CMYA5: variants seen among roughly 807,000 people sequenced by gnomAD.
CMYA5 encodes cardiomyopathy associated 5, also known as cardiomyopathy-associated protein 5.
Under a neutral mutation model 318.9 loss-of-function variants are expected in CMYA5, and 246 were observed. The observed-to-expected ratio is 0.77, with a 90% confidence interval of 0.70 to 0.86. CMYA5 has a LOEUF of 0.86. Among genes scored for constraint, CMYA5 ranks in the 40% least tolerant of loss-of-function variants. The probability of loss-of-function intolerance (pLI) is 0.00; values close to 1 mark genes in which losing one functional copy is unlikely to be tolerated. For synonymous variants in CMYA5, 1,641 were observed against 1,729.5 expected (o/e 0.95, Z 1.27); for missense variants, 4,589 against 4,678.2 (o/e 0.98, Z 0.56).
rs1442849287 is a variant in CMYA5 at position 79,745,445 on chromosome 5, T to C, written c.10958T>C (p.Val3653Ala). ...VREAEELDEA[V>A]FLTSFEEINE... Reference sequence around the variant, plus strand: ...GAAGCAGAGGAGCTTGATGAGGCCGTCTTCCTGACTGTAAGTGCCAAGTAA... The same window carrying C: ...GAAGCAGAGGAGCTTGATGAGGCCGCCTTCCTGACTGTAAGTGCCAAGTAA... The change falls in exon 4 of 13, where the codon GTC (valine) becomes GCC (alanine). Residue 3653 changes from valine to alanine, a missense_variant. Val to Ala is a moderately conservative substitution (Grantham distance 64). Transcript: ENST00000446378. 2 of 1,613,182 alleles carry C rather than the reference T, an allele frequency of 1.2e-6. No homozygotes were observed. The highest frequency in any genetic ancestry group is 2.2e-5 in the East Asian group (1 of 44,884).
chr5:79,701,198 G>C lies in CMYA5; in HGVS notation c.149+11142G>C, dbSNP rs138614841. 2.9e-4 allele frequency among the ~76,000 whole-genome samples: 44 copies of C among 152,038 alleles called. 2 individuals are homozygous for C. The East Asian group carries it at 5.8e-3, about 20-fold the overall frequency. ...CAGCAGGTAGAGGTTGTAGTGAGTGGGATTGCGCCACTGCACTCCAGAGCA... is the reference window on the plus strand; with the variant it reads ...CAGCAGGTAGAGGTTGTAGTGAGTGCGATTGCGCCACTGCACTCCAGAGCA... On this transcript the variant is annotated intron_variant, in intron 1 of 12. Transcript: ENST00000446378.
intron 9 of CMYA5, among the ~76,000 whole-genome samples, chr5:79,768,608 G>A (rs887240981): frequency 6.6e-6 from 1 of 152,178 alleles, no homozygotes; most frequent in African/African-American, 2.4e-5. Context: ...CTTTAAGAAT[G>A]TTGAATATTG....
chr5:79,737,679 C>A lies in CMYA5; in HGVS notation c.8914C>A (p.Gln2972Lys). Reference protein sequence around the residue: ...ISSIDQEESEQMQDKLEYLEE... With the variant: ...ISSIDQEESEKMQDKLEYLEE... ...TTCAATCGATCAGGAAGAAAGTGAA[C>A]AAATGCAAGATAAATTAGAATATTT... The change falls in exon 2 of 13, where the codon CAA becomes AAA. Residue 2972 changes from glutamine (Q) to lysine (K), a missense_variant. Around this residue, in one of 3 missense-constraint regions of CMYA5, gnomAD observed 2,431 missense variants for 2,495.1 expected, o/e 0.97. Coordinates refer to ENST00000446378, the MANE Select transcript of CMYA5 (RefSeq NM_153610.5). The A allele has an allele frequency of 1.9e-6, 3 of 1,612,842 alleles. No homozygotes were observed. The highest frequency in any genetic ancestry group is 2.5e-6 in the Non-Finnish European group (3 of 1,179,610).
chr5:79,745,442 C>A lies in CMYA5; in HGVS notation c.10955C>A (p.Ala3652Asp). 1 of 1,613,490 alleles carries A rather than the reference C, an allele frequency of 6.2e-7. No homozygotes were observed. Among genetic ancestry groups the A allele is most frequent in the Non-Finnish European group, 8.5e-7 (1 of 1,179,460 alleles). The change falls in exon 4 of 13, where the codon GCC becomes GAC. Residue 3652 changes from alanine to aspartate, a missense_variant. By Grantham distance (126) the Ala-to-Asp change is moderately radical (BLOSUM62 -2). This residue lies in a region of CMYA5 where 2,431 missense variants were observed against 2,495.1 expected (regional missense o/e 0.97). Coordinates refer to ENST00000446378, the MANE Select transcript of CMYA5 (RefSeq NM_153610.5). ...AGAGAAGCAGAGGAGCTTGATGAGGCCGTCTTCCTGACTGTAAGTGCCAAG... is the reference window on the plus strand; with the variant it reads ...AGAGAAGCAGAGGAGCTTGATGAGGACGTCTTCCTGACTGTAAGTGCCAAG... ...IVREAEELDEAVFLTSFEEIN... is the reference protein window; with the variant it reads ...IVREAEELDEDVFLTSFEEIN...
chr5:79,791,502 T>A (rs1198925043), intron 11 of CMYA5, among the ~76,000 whole-genome samples: 1 of 152,086 alleles, frequency 6.6e-6, no homozygotes, highest in East Asian at 1.9e-4. Flanking sequence ...AGGCAGATCA[T>A]TTGAGTTCAG....
chr5:79,699,659 AG>A (rs1354344788), intron 1 of CMYA5, among the ~76,000 whole-genome samples: 1 of 152,186 alleles, frequency 6.6e-6, no homozygotes, highest in Non-Finnish European at 1.5e-5. Context: ...GAGTGAACCG[AG>A]GGTATCACCC....
chr5:79,787,974 A>C (rs1054911102), intron 9 of CMYA5, among the ~76,000 whole-genome samples: 1 of 152,106 alleles, frequency 6.6e-6, no homozygotes, highest in African/African-American at 2.4e-5. Context: ...CCACTCTTGG[A>C]TTCTGATGCT....
intron 1 of CMYA5, among the ~76,000 whole-genome samples, chr5:79,700,715 A>G (rs1827157436): frequency 6.6e-6 from 1 of 152,242 alleles, no homozygotes; most frequent in South Asian, 2.1e-4. Context: ...ACAATGGAAT[A>G]TTATTCGGCT....
intron 1 of CMYA5, among the ~76,000 whole-genome samples, chr5:79,723,963 G>A (rs1827696928): frequency 6.6e-6 from 1 of 152,022 alleles, no homozygotes; most frequent in African/African-American, 2.4e-5. Context: ...ATCAATCACT[G>A]TAATTTATCA....
chr5:79,709,960 CA>C (rs61657639), intron 1 of CMYA5, among the ~76,000 whole-genome samples: 1,458 of 24,258 alleles, frequency 0.06, no homozygotes, highest in Middle Eastern at 0.12. Flanking sequence ...GACTCCATCT[CA>C]AAAAAAAAAA....
At chr5:79,703,034 C>T (rs907481985) in intron 1 of CMYA5, among the ~76,000 whole-genome samples, 1 of 152,186 alleles carries the variant, frequency 6.6e-6, no homozygotes, top group Non-Finnish European at 1.5e-5. Context: ...CCCAGGCCCC[C>T]CAAGGTGGGG....
chr5:79,752,618 A>G, intron 5 of CMYA5, 58 bp from the exon 6 acceptor site: 1 of 1,278,214 alleles, frequency 7.8e-7, no homozygotes, highest in Non-Finnish European at 1.1e-6. Context: ...AATTTTTTTC[A>G]CTTTCATTCT....
chr5:79,731,534 A>T lies in CMYA5; in HGVS notation c.2769A>T (p.Leu923=). Residue 923 remains leucine, a synonymous_variant, in exon 2 of 13, where the codon CTA becomes CTT. Coordinates refer to ENST00000446378, the MANE Select transcript of CMYA5 (RefSeq NM_153610.5). ...AQEEEIVHRS[L]NLKGASSPMN... ...AGGAAGAAATTGTCCATAGATCTCT[A>T]AATCTAAAAGGTGCATCCTCACCCA... The T allele has an allele frequency of 6.2e-7, 1 of 1,604,114 alleles. No individual in the cohort carries two copies. The highest frequency in any genetic ancestry group is 8.5e-7 in the Non-Finnish European group (1 of 1,175,426).
At chr5:79,773,636 G>A (rs1338690071) in intron 9 of CMYA5, among the ~76,000 whole-genome samples, 1 of 152,182 alleles carries the variant, frequency 6.6e-6, no homozygotes, top group Non-Finnish European at 1.5e-5. Context: ...GACCATAAAT[G>A]GGGTATGAAC....
chr5:79,788,016 A>C (rs1829110198), intron 9 of CMYA5, among the ~76,000 whole-genome samples: 1 of 152,126 alleles, frequency 6.6e-6, no homozygotes, highest in Admixed American at 6.5e-5. Context: ...ACAAAAAAAA[A>C]CAAAGACAAA....
chr5:79,710,462 A>G (rs1242492147), intron 1 of CMYA5, among the ~76,000 whole-genome samples: 1 of 152,196 alleles, frequency 6.6e-6, no homozygotes, highest in Non-Finnish European at 1.5e-5. Context: ...GTGGAAAAGT[A>G]TATTTAATAG....
intron 9 of CMYA5, among the ~76,000 whole-genome samples, chr5:79,788,229 T>C (rs1210691952): frequency 2.0e-5 from 3 of 148,560 alleles, no homozygotes; most frequent in African/African-American, 7.4e-5. Flanking sequence ...TTTTTTTTTC[T>C]TAATTCATGC....
chr5:79,706,219 G>C (rs1827270075), intron 1 of CMYA5, among the ~76,000 whole-genome samples: 1 of 152,158 alleles, frequency 6.6e-6, no homozygotes, highest in Non-Finnish European at 1.5e-5. Flanking sequence ...GAGGGATTTA[G>C]GGTCATTTGA....
Position 79,737,803 on chromosome 5 carries a change from T to C in CMYA5, c.9038T>C (p.Val3013Ala). The C allele has an allele frequency of 6.2e-7, 1 of 1,608,998 alleles. No homozygotes were observed. Among genetic ancestry groups the C allele is most frequent in the East Asian group, 2.2e-5 (1 of 44,834 alleles). Residue 3013 changes from valine (V) to alanine (A), a missense_variant, in exon 2 of 13, where the codon GTT (valine) becomes GCT (alanine). By Grantham distance (64) the Val-to-Ala change is moderately conservative (BLOSUM62 0). Coordinates refer to ENST00000446378, the MANE Select transcript of CMYA5 (RefSeq NM_153610.5). ...TLKSRLEDEK[V>A]TPLKENKQKE... is the part of the protein sequence containing the mutation. ...AAGAGCAGGTTAGAAGATGAAAAAG[T>C]TACCCCATTGAAAGAAAATAAACAA...
Sources: gnomAD v4.1 joint callset for allele counts (sites outside exome capture counted in the v4.1 genomes callset) on GRCh38, gnomAD v4.1.1 for gene constraint, gnomAD v4.1.1 regional missense constraint, MANE v1.5 for transcripts, NCBI Gene and HGNC (gene_info 2026-07-23, HGNC 2026-07-21) for gene names.